Variants in LYPD6 observed in about 807,000 individuals in gnomAD.
The protein encoded by LYPD6 is LY6/PLAUR domain containing 6.
A neutral mutation model predicts 22.7 loss-of-function variants in LYPD6; 15 were observed. The ratio of observed to expected loss-of-function variants is 0.66; its 90% CI spans 0.44 to 1.02. LYPD6 has a LOEUF of 1.02. Ranked by LOEUF, LYPD6 falls within the 50% of genes least tolerant of loss-of-function variation. LYPD6 has a pLI of 0.00. For missense variants in LYPD6, 189 were observed against 208.4 expected, an observed-to-expected ratio of 0.91 and a Z score of 0.57; for synonymous variants, 72 against 77.5, an observed-to-expected ratio of 0.93 and a Z score of 0.37.
chr2:149,348,175 A>G (rs1259134462), intron 1 of LYPD6, among the ~76,000 whole-genome samples: 2 of 152,030 alleles, frequency 1.3e-5, no homozygotes, highest in Non-Finnish European at 2.9e-5. Flanking sequence ...TGTGCCAATC[A>G]TAGTTCTGGG....
chr2:149,464,113 TAAAA>T (rs34341723), intron 3 of LYPD6: 24 of 358,988 alleles, frequency 6.7e-5, no homozygotes, highest in African/African-American at 3.2e-4. Flanking sequence ...TAGGTTAAAT[TAAAA>T]AAAAAAAAAA....
intron 1 of LYPD6, among the ~76,000 whole-genome samples, chr2:149,422,437 G>C (rs538456370): frequency 6.6e-6 from 1 of 152,086 alleles, no homozygotes; most frequent in African/African-American, 2.4e-5. Context: ...GGGTCTCTCT[G>C]CTCTGGAGCC....
chr2:149,407,313 T>C (rs1043847538), intron 1 of LYPD6, among the ~76,000 whole-genome samples: 4 of 152,208 alleles, frequency 2.6e-5, no homozygotes, highest in Admixed American at 2.6e-4. Flanking sequence ...TCCTGGATAA[T>C]ATCCTGCAGA....
At chr2:149,330,376 G>C (rs1339195152), upstream of LYPD6, 1 of 151,226 alleles carries the variant, frequency 6.6e-6, no homozygotes, top group Non-Finnish European at 1.5e-5. Flanking sequence ...TTGCAGACTT[G>C]GCGCTCAGGC....
At chr2:149,348,431 T>A (rs1181212321) in intron 1 of LYPD6, among the ~76,000 whole-genome samples, 2 of 152,200 alleles carry the variant, frequency 1.3e-5, no homozygotes, top group Non-Finnish European at 2.9e-5. Flanking sequence ...ACTGTGGTTG[T>A]CATGGATGAC....
intron 1 of LYPD6, among the ~76,000 whole-genome samples, chr2:149,365,319 A>T (rs1296290948): frequency 6.6e-6 from 1 of 152,218 alleles, no homozygotes; most frequent in Non-Finnish European, 1.5e-5. Context: ...TTCTATTTTT[A>T]CAGAGAAAGG....
At chr2:149,339,620 G>C (rs1053056839) in intron 1 of LYPD6, among the ~76,000 whole-genome samples, 4 of 152,128 alleles carry the variant, frequency 2.6e-5, no homozygotes, top group African/African-American at 9.7e-5. Flanking sequence ...CAAGTAGAGT[G>C]AATTTGCATT....
intron 1 of LYPD6, among the ~76,000 whole-genome samples, chr2:149,364,584 C>G (rs1455625743): frequency 1.3e-5 from 2 of 149,924 alleles, no homozygotes; most frequent in Non-Finnish European, 3.0e-5. Context: ...TCAAGCTATC[C>G]TGATTGGTGC....
At chr2:149,445,043 T>C (rs1194899756) in intron 2 of LYPD6, among the ~76,000 whole-genome samples, 1 of 152,222 alleles carries the variant, frequency 6.6e-6, no homozygotes, top group East Asian at 1.9e-4. Context: ...GACTTCTTGA[T>C]CCATCAACTA....
At chr2:149,378,368 C>T (rs1486871049) in intron 1 of LYPD6, among the ~76,000 whole-genome samples, 1 of 152,142 alleles carries the variant, frequency 6.6e-6, no homozygotes, top group Non-Finnish European at 1.5e-5. Context: ...TCCACCTGCC[C>T]TGGCCTCCCA....
chr2:149,332,034 C>G (rs1444855835), intron 1 of LYPD6, among the ~76,000 whole-genome samples: 1 of 152,218 alleles, frequency 6.6e-6, no homozygotes, highest in African/African-American at 2.4e-5. Flanking sequence ...TATATGCGCT[C>G]ACGTGTACCA....
At chr2:149,339,580 T>A (rs1268512466) in intron 1 of LYPD6, among the ~76,000 whole-genome samples, 1 of 152,166 alleles carries the variant, frequency 6.6e-6, no homozygotes, top group Admixed American at 6.5e-5. Context: ...GCTAGACAGA[T>A]ACCCAAAGTC....
chr2:149,484,946 A>G, the LYPD6 span, among the ~76,000 whole-genome samples: 1 of 152,308 alleles, frequency 6.6e-6, no homozygotes, highest in Non-Finnish European at 1.5e-5. Flanking sequence ...AAAAGTTGGA[A>G]ACTTAGCAAT....
chr2:149,446,506 A>G (rs1346543342), intron 2 of LYPD6, among the ~76,000 whole-genome samples: 1 of 152,232 alleles, frequency 6.6e-6, no homozygotes, highest in Non-Finnish European at 1.5e-5. Context: ...GGTAATGTGA[A>G]GGTATAAAAA....
intron 1 of LYPD6, among the ~76,000 whole-genome samples, chr2:149,424,199 A>G (rs1683143328): frequency 6.6e-6 from 1 of 152,210 alleles, no homozygotes; most frequent in Admixed American, 6.5e-5. Flanking sequence ...TATCAAATCA[A>G]CAAATCGCTA....
intron 3 of LYPD6, among the ~76,000 whole-genome samples, chr2:149,463,861 T>G (rs1681140073): frequency 6.6e-6 from 1 of 151,468 alleles, no homozygotes; most frequent in African/African-American, 2.4e-5. Flanking sequence ...TTGCCAAGGG[T>G]TAGGGAAGGG....
intron 3 of LYPD6, among the ~76,000 whole-genome samples, chr2:149,462,865 G>A (rs550025841): frequency 1.7e-3 from 266 of 152,118 alleles, no homozygotes; most frequent in Non-Finnish European, 3.3e-3. Flanking sequence ...ATGAATCTCA[G>A]CCTAAGTCTC....
At chr2:149,399,121 G>A (rs918926833) in intron 1 of LYPD6, among the ~76,000 whole-genome samples, 1 of 152,056 alleles carries the variant, frequency 6.6e-6, no homozygotes, top group Admixed American at 6.6e-5. Flanking sequence ...AAGCAGTGGT[G>A]TTAGGCCAGG....
chr2:149,455,257 GTTT>G (rs554548181), intron 3 of LYPD6, among the ~76,000 whole-genome samples: 3 of 128,000 alleles, frequency 2.3e-5, no homozygotes, highest in African/African-American at 6.0e-5. Flanking sequence ...TTTCTAGCAA[GTTT>G]TTTTTTTTTT....
Sources: allele counts gnomAD v4.1 joint callset (sites outside exome capture counted in the v4.1 genomes callset), GRCh38; gene constraint gnomAD v4.1.1; transcripts MANE v1.5; gene names NCBI Gene and HGNC (gene_info 2026-07-23, HGNC 2026-07-21).